The following RBFOX1 variants were observed in gnomAD, a reference collection of about 807,000 sequenced individuals.
The protein encoded by RBFOX1 is RNA binding protein fox-1 homolog 1.
Under a neutral mutation model 57.7 loss-of-function variants are expected in RBFOX1, and 8 were observed. That is an observed-to-expected ratio of 0.14 (90% CI 0.08 to 0.25). The LOEUF (loss-of-function observed/expected upper bound fraction) is 0.25, where lower values mean the gene tolerates loss of function less well. RBFOX1 is among the 10% of genes least tolerant of loss of function. The pLI is 1.00. For missense variants in RBFOX1, 611 were observed against 548.5 expected, an observed-to-expected ratio of 1.11 and a Z score of -1.14; for synonymous variants, 326 against 222.4, an observed-to-expected ratio of 1.47 and a Z score of -4.15.
At chr16:7,519,670 G>A in intron 5 of RBFOX1, 2 of 985,096 alleles carry the variant, frequency 2.0e-6, no homozygotes, top group Non-Finnish European at 2.4e-6. Flanking sequence ...TTCTTTAGAA[G>A]CTTGGGAACC....
At chr16:6,899,151 G>A (rs768164096) in intron 3 of RBFOX1, among the ~76,000 whole-genome samples, 1 of 146,904 alleles carries the variant, frequency 6.8e-6, no homozygotes, top group African/African-American at 2.5e-5. Flanking sequence ...ATGGACACAC[G>A]TGTATGTAAC....
chr16:5,733,951 C>T (rs2052478909), intron 3 of RBFOX1, among the ~76,000 whole-genome samples: 1 of 152,136 alleles, frequency 6.6e-6, no homozygotes, highest in Non-Finnish European at 1.5e-5. Flanking sequence ...TTCATGCTTC[C>T]TGACCTCGAC....
At chr16:5,318,464 A>G (rs917074640) in intron 1 of RBFOX1, among the ~76,000 whole-genome samples, 1 of 151,980 alleles carries the variant, frequency 6.6e-6, no homozygotes, top group African/African-American at 2.4e-5. Context: ...TTACCCATGA[A>G]TTTGCCTTCT....
intron 3 of RBFOX1, among the ~76,000 whole-genome samples, chr16:6,782,759 C>T (rs893101212): frequency 6.6e-6 from 1 of 152,168 alleles, no homozygotes; most frequent in Non-Finnish European, 1.5e-5. Context: ...CTGTAGCGCA[C>T]ATTAAGTCAG....
chr16:7,489,886 T>A (rs2066478357), intron 4 of RBFOX1, among the ~76,000 whole-genome samples: 1 of 152,122 alleles, frequency 6.6e-6, no homozygotes, highest in African/African-American at 2.4e-5. Context: ...TTCCACCTTT[T>A]AATGATGCAT....
intron 1 of RBFOX1, among the ~76,000 whole-genome samples, chr16:5,342,104 T>C (rs1234549318): frequency 6.6e-6 from 1 of 152,236 alleles, no homozygotes; most frequent in East Asian, 1.9e-4. Flanking sequence ...CGGCAGATCG[T>C]ACCTGTTGAC....
At chr16:5,985,071 C>T (rs771463068) in intron 4 of RBFOX1, among the ~76,000 whole-genome samples, 7 of 148,470 alleles carry the variant, frequency 4.7e-5, no homozygotes, top group South Asian at 2.2e-4. Flanking sequence ...CTTCCACCTC[C>T]GCTTCCCGGG....
rs186918656 is a variant in RBFOX1, at chr16:6,517,777, C to A, written c.-63-136826C>A. Reference sequence around the variant, plus strand: ...ACATCCCTTCATGGCCAAGATTTTTCCAAGTTGTAAAATATTTTTGCTTTT... The same window carrying A: ...ACATCCCTTCATGGCCAAGATTTTTACAAGTTGTAAAATATTTTTGCTTTT... On this transcript the variant is annotated intron_variant, in intron 2 of 15. Coordinates refer to ENST00000550418, the MANE Select transcript of RBFOX1 (RefSeq NM_018723.4). Among the ~76,000 whole-genome samples the A allele has an allele frequency of 6.6e-5, 10 of 152,250 alleles. No individual in the cohort carries two copies. In the East Asian group the frequency reaches 1.9e-3, roughly 29 times the overall value.
chr16:5,692,942 C>T (rs1381439592), intron 3 of RBFOX1, among the ~76,000 whole-genome samples: 2 of 152,204 alleles, frequency 1.3e-5, no homozygotes, highest in Non-Finnish European at 1.5e-5. Flanking sequence ...CATTCTGAGA[C>T]AGAAGCATTT....
At chr16:5,447,869 T>G (rs2068298494) in intron 1 of RBFOX1, among the ~76,000 whole-genome samples, 1 of 152,230 alleles carries the variant, frequency 6.6e-6, no homozygotes, top group Non-Finnish European at 1.5e-5. Flanking sequence ...CACCCCTGTT[T>G]CCTGTGACAC....
At chr16:7,180,077 C>G (rs2082403584) in intron 4 of RBFOX1, among the ~76,000 whole-genome samples, 1 of 152,192 alleles carries the variant, frequency 6.6e-6, no homozygotes, top group Admixed American at 6.5e-5. Context: ...CTGCTTTTCT[C>G]AGAGAAAATA....
intron 3 of RBFOX1, among the ~76,000 whole-genome samples, chr16:6,726,308 T>C (rs1342186768): frequency 2.0e-5 from 3 of 152,160 alleles, no homozygotes; most frequent in African/African-American, 4.8e-5. Flanking sequence ...TTTTAAGTAG[T>C]GTGCTTTCAA....
chr16:6,418,672 G>C (rs1294057180), intron 2 of RBFOX1, among the ~76,000 whole-genome samples: 3 of 151,830 alleles, frequency 2.0e-5, no homozygotes, highest in African/African-American at 4.8e-5. Context: ...ACAGGTGCAT[G>C]CCACCACACC....
chr16:5,376,111 T>G (rs990624304), intron 1 of RBFOX1, among the ~76,000 whole-genome samples: 4 of 150,234 alleles, frequency 2.7e-5, no homozygotes, highest in Non-Finnish European at 4.4e-5. Context: ...GAGGTTGCAG[T>G]GAGCTGAAAT....
At chr16:7,419,630 G>A (rs1479822149) in intron 4 of RBFOX1, among the ~76,000 whole-genome samples, 1 of 152,126 alleles carries the variant, frequency 6.6e-6, no homozygotes, top group Non-Finnish European at 1.5e-5. Flanking sequence ...TCCCCTCTCC[G>A]CAGCCCTCAG....
At chr16:6,106,530 A>G (rs994242231) in intron 1 of RBFOX1, among the ~76,000 whole-genome samples, 9 of 151,564 alleles carry the variant, frequency 5.9e-5, no homozygotes, top group Non-Finnish European at 8.8e-5. Context: ...CTGCGTTAGC[A>G]CATAAAAATG....
At chr16:5,551,025 C>G (rs142226707) in intron 2 of RBFOX1, among the ~76,000 whole-genome samples, 1 of 152,184 alleles carries the variant, frequency 6.6e-6, no homozygotes, top group South Asian at 2.1e-4. Flanking sequence ...GCATATCAAA[C>G]GCTCAGGGAA....
intron 4 of RBFOX1, among the ~76,000 whole-genome samples, chr16:5,994,620 C>T (rs568991532): frequency 3.9e-5 from 6 of 152,208 alleles, no homozygotes; most frequent in African/African-American, 9.6e-5. Flanking sequence ...GTCTCCATTG[C>T]AGCTACTCAA....
intron 9 of RBFOX1, among the ~76,000 whole-genome samples, chr16:7,604,908 A>T (rs933446491): frequency 2.0e-5 from 3 of 152,172 alleles, no homozygotes; most frequent in African/African-American, 7.2e-5. Flanking sequence ...CACCATCTCC[A>T]CTACCAATAA....
Sources: allele counts gnomAD v4.1 joint callset (sites outside exome capture counted in the v4.1 genomes callset), GRCh38; gene constraint gnomAD v4.1.1; transcripts MANE v1.5; gene names NCBI Gene and HGNC (gene_info 2026-07-23, HGNC 2026-07-21).